LRRC57: variants seen among roughly 807,000 people sequenced by gnomAD.
LRRC57 encodes the protein leucine rich repeat containing 57, also known as leucine-rich repeat-containing protein 57.
A neutral mutation model predicts 23.1 loss-of-function variants in LRRC57; 14 were observed. That is an observed-to-expected ratio of 0.61 (90% CI 0.40 to 0.95). LRRC57 has a LOEUF of 0.95. Ranked by LOEUF, LRRC57 falls within the 40% of genes least tolerant of loss-of-function variation. LRRC57 has a pLI of 0.00. For missense variants in LRRC57, 236 were observed against 284.4 expected (o/e 0.83, Z 1.22); for synonymous variants, 106 against 115.2 (o/e 0.92, Z 0.51).
chr15:42,529,453 T>G, the LRRC57 span, among the ~76,000 whole-genome samples: 1 of 152,212 alleles, frequency 6.6e-6, no homozygotes, highest in Non-Finnish European at 1.5e-5. Flanking sequence ...AAACACTGTT[T>G]CAGAGTTTCT....
At position 42,547,455 on chromosome 15, in the gene LRRC57, GCTCT is replaced by G. The variant is rs774922826; in HGVS notation, c.294_297del (p.Arg98SerfsTer15). 1 of 1,614,012 alleles carries G rather than the reference GCTCT, an allele frequency of 6.2e-7. No homozygotes were observed. The highest frequency in any genetic ancestry group is 1.1e-5 in the South Asian group (1 of 91,084). On this transcript the variant is annotated frameshift_variant, in exon 4 of 6. Coordinates refer to ENST00000397130, the MANE Select transcript of LRRC57 (RefSeq NM_153260.3). LOFTEE classifies it high-confidence loss of function. Reference sequence around the variant, plus strand: ...GAGAGTTGCCCAAAGGTAGACGGCAGCTCTCTAAGGTGATTGTTGTTTAGGCTTA... The same window carrying G: ...GAGAGTTGCCCAAAGGTAGACGGCAGCTAAGGTGATTGTTGTTTAGGCTTA...
At chr15:42,548,543 C>T in intron 1 of LRRC57, 87 bp from the exon 2 acceptor site, 2 of 1,062,484 alleles carry the variant, frequency 1.9e-6, no homozygotes, top group South Asian at 2.8e-5. Context: ...CAACTCCCGC[C>T]GATCCCTGGC....
rs1188104911 is a variant in LRRC57 at position 42,543,002 on chromosome 15, C to G, written c.*1081G>C. On this transcript the variant is annotated 3_prime_UTR_variant, in exon 6 of 6. Coordinates refer to ENST00000397130, the MANE Select transcript of LRRC57 (RefSeq NM_153260.3). ...TCTCCTGCCTCAGCCTCCCAAGTAGCTGGGATTACAGGTACCCACCACCAC... is the reference window on the plus strand; with the variant it reads ...TCTCCTGCCTCAGCCTCCCAAGTAGGTGGGATTACAGGTACCCACCACCAC... The G allele has an allele frequency of 2.0e-5, 3 of 151,684 alleles. No homozygotes were observed. Among genetic ancestry groups the G allele is most frequent in the African/African-American group, 7.3e-5 (3 of 41,170 alleles). The allele number at this position is 151,684 out of a possible 1,614,324, so 9.4% of individuals were successfully genotyped here. A position where few individuals can be genotyped will look rare whatever the true frequency, so the allele number is the denominator to read the frequency against.
the LRRC57 span, chr15:42,528,374 C>T: frequency 6.2e-7 from 1 of 1,614,110 alleles, no homozygotes; most frequent in Non-Finnish European, 8.5e-7. Flanking sequence ...AAATGGTCAG[C>T]TTCAGCAACC....
In LRRC57 at chr15:42,548,350, C is replaced by T; in HGVS notation, c.84+1G>A. The T allele has an allele frequency of 6.2e-7, 1 of 1,614,244 alleles. No individual in the cohort carries two copies. Among genetic ancestry groups the T allele is most frequent in the African/African-American group, 1.3e-5 (1 of 75,076 alleles). ...CCTGGTCGTGTCCCTCCCAGTCTCA[C>T]CTCGGTCAGCCCTCGGTCCTTAAGC... On this transcript the variant is annotated splice_donor_variant, in intron 2 of 5. Coordinates refer to ENST00000397130, the MANE Select transcript of LRRC57 (RefSeq NM_153260.3). LOFTEE classifies it high-confidence loss of function.
At chr15:42,544,235 C>T in intron 5 of LRRC57, 111 bp from the exon 6 acceptor site, 1 of 815,396 alleles carries the variant, frequency 1.2e-6, no homozygotes, top group Non-Finnish European at 2.0e-6. Context: ...TTTTCATTTC[C>T]TACAAAATAT....
chr15:42,535,468 C>CA (rs2057596215), downstream of LRRC57, among the ~76,000 whole-genome samples: 1 of 146,270 alleles, frequency 6.8e-6, no homozygotes, highest in African/African-American at 2.6e-5. Flanking sequence ...TTTTTTGAGA[C>CA]AGAGTCTTGC....
Position 42,548,192 on chromosome 15 carries a change from G to C in LRRC57, c.137C>G (p.Ser46Cys), listed in dbSNP as rs767434550. ...LTSNLRTIDL[S>C]NNKIESLPPL... is the part of the protein sequence containing the mutation. ...CGGTAGGCTTTCGATCTTGTTGTTGGACAAGTCGATGGTCCTGAGATTGCT... is the reference window on the plus strand; with the variant it reads ...CGGTAGGCTTTCGATCTTGTTGTTGCACAAGTCGATGGTCCTGAGATTGCT... Residue 46 changes from serine (S) to cysteine (C), a missense_variant, in exon 3 of 6, where the codon TCC becomes TGC. Coordinates refer to ENST00000397130, the MANE Select transcript of LRRC57 (RefSeq NM_153260.3). The C allele has an allele frequency of 3.7e-6, 6 of 1,614,076 alleles. No homozygotes were observed. The highest frequency in any genetic ancestry group is 5.1e-6 in the Non-Finnish European group (6 of 1,180,034).
At chr15:42,532,417 T>G in the LRRC57 span, 36 of 152,330 alleles carry the variant, frequency 2.4e-4, no homozygotes, top group African/African-American at 8.7e-4. Flanking sequence ...ATTTCTGAAC[T>G]CTTAGTGATT....
At chr15:42,544,993 G>T in intron 5 of LRRC57, 84 bp downstream of exon 5, 2 of 1,019,600 alleles carry the variant, frequency 2.0e-6, no homozygotes, top group Non-Finnish European at 2.8e-6. Context: ...CTGTTGACAT[G>T]AGCTATAAAC....
At chr15:42,544,815 T>TCA (rs202009649) in intron 5 of LRRC57, among the ~76,000 whole-genome samples, 4,706 of 131,794 alleles carry the variant, frequency 0.036, 227 homozygotes, top group East Asian at 0.051. Context: ...AGACCCTGTC[T>TCA]CACACACACA....
chr15:42,546,061 C>T (rs1330408018), intron 4 of LRRC57, among the ~76,000 whole-genome samples: 2 of 152,170 alleles, frequency 1.3e-5, no homozygotes, highest in African/African-American at 4.8e-5. Flanking sequence ...CCCTCAAGCT[C>T]AATACCAAGC....
rs1255903325 is a variant in LRRC57, at chr15:42,542,400, G to T, written c.*1683C>A. ...GTATCACAAAATGTTTATGTCACATGAAGGCATTTCACTACTCATACAATC... is the reference window on the plus strand; with the variant it reads ...GTATCACAAAATGTTTATGTCACATTAAGGCATTTCACTACTCATACAATC... On this transcript the variant is annotated 3_prime_UTR_variant, in exon 6 of 6. Coordinates refer to ENST00000397130, the MANE Select transcript of LRRC57 (RefSeq NM_153260.3). 1 of 152,142 alleles carries T rather than the reference G, an allele frequency of 6.6e-6. No individual in the cohort carries two copies. Among genetic ancestry groups the T allele is most frequent in the Admixed American group, 6.5e-5 (1 of 15,270 alleles). The allele number at this position is 152,142 out of a possible 1,614,324, so 9.4% of individuals were successfully genotyped here.
rs1324480575 is a variant in LRRC57, at chr15:42,543,743, G to C, written c.*340C>G. ...AAACAAAATCTCAAGCTGTGGTGTG[G>C]AGCTATTCTGTTACCAGGCAGCACC... is the stretch of plus-strand genomic sequence containing the variant. On this transcript the variant is annotated 3_prime_UTR_variant, in exon 6 of 6. Transcript: ENST00000397130. The C allele has an allele frequency of 4.3e-6, 1 of 231,870 alleles. No homozygotes were observed. The highest frequency in any genetic ancestry group is 8.3e-6 in the Non-Finnish European group (1 of 119,874). 14.4% of individuals were successfully genotyped at this position (231,870 alleles called of 1,614,324 possible).
At chr15:42,547,744 G>C in intron 3 of LRRC57, 1 of 564,404 alleles carries the variant, frequency 1.8e-6, no homozygotes, top group Non-Finnish European at 3.1e-6. Context: ...TGTATAATGG[G>C]CTCCTTTTGT....
At position 42,548,463 on chromosome 15, in the gene LRRC57, G is replaced by A; in HGVS notation, c.-22-7C>T. ...AGCGCCGCGGCTCAGGTCCCTGCGG[G>A]AAGGAAGCGCTGCTGTCACCGCCCA... is the stretch of plus-strand genomic sequence containing the variant. On this transcript the variant is annotated splice_polypyrimidine_tract_variant and splice_region_variant and intron_variant, in intron 1 of 5. Coordinates refer to ENST00000397130, the MANE Select transcript of LRRC57 (RefSeq NM_153260.3). The A allele has an allele frequency of 6.2e-7, 1 of 1,610,074 alleles. No homozygotes were observed. The highest frequency in any genetic ancestry group is 8.5e-7 in the Non-Finnish European group (1 of 1,179,072).
Position 42,548,333 on chromosome 15 carries a change from T to C in LRRC57, c.84+18A>G, listed in dbSNP as rs1380188783. ...CCTCTCCCTTTAAGTTCCCTGGTCG[T>C]GTCCCTCCCAGTCTCACCTCGGTCA... On this transcript the variant is annotated intron_variant, in intron 2 of 5. Coordinates refer to ENST00000397130, the MANE Select transcript of LRRC57 (RefSeq NM_153260.3). The C allele has an allele frequency of 1.2e-6, 2 of 1,614,168 alleles. No homozygotes were observed. The highest frequency in any genetic ancestry group is 1.7e-6 in the Non-Finnish European group (2 of 1,179,972).
rs982968657 is a variant in LRRC57, at chr15:42,540,976, G to C, written c.*3107C>G. On this transcript the variant is annotated 3_prime_UTR_variant, in exon 6 of 6. Coordinates refer to ENST00000397130, the MANE Select transcript of LRRC57 (RefSeq NM_153260.3). Reference sequence around the variant, plus strand: ...GAACCTGGGAGGCAGAGGTTGCAATGAGCCAAGATCGCACCACTGCACTCC... The same window carrying C: ...GAACCTGGGAGGCAGAGGTTGCAATCAGCCAAGATCGCACCACTGCACTCC... The C allele has an allele frequency of 6.6e-6, 1 of 151,384 alleles. No individual in the cohort carries two copies. Among genetic ancestry groups the C allele is most frequent in the African/African-American group, 2.4e-5 (1 of 41,128 alleles). The allele number at this position is 151,384 out of a possible 1,614,324, so 9.4% of individuals were successfully genotyped here.
the LRRC57 span, chr15:42,529,714 C>T: frequency 1.2e-6 from 2 of 1,614,002 alleles, no homozygotes; most frequent in African/African-American, 1.3e-5. Context: ...TGGAAGAGAA[C>T]CTGACTCAAG....
Sources: gnomAD v4.1 joint callset for allele counts (sites outside exome capture counted in the v4.1 genomes callset) on GRCh38, gnomAD v4.1.1 for gene constraint, MANE v1.5 for transcripts, NCBI Gene and HGNC (gene_info 2026-07-23, HGNC 2026-07-21) for gene names.